The following FMNL2 variants were observed in gnomAD, a reference collection of about 807,000 sequenced individuals.
FMNL2 encodes formin-like protein 2.
In FMNL2, 51 loss-of-function variants were observed where a neutral mutation model predicts 130.2. The observed-to-expected ratio is 0.39, with a 90% confidence interval of 0.31 to 0.49. The LOEUF (loss-of-function observed/expected upper bound fraction) is 0.49. Ranked by LOEUF, FMNL2 falls within the 20% of genes least tolerant of loss-of-function variation. FMNL2 has a pLI of 0.85. For missense variants in FMNL2, 977 were observed against 1,316.2 expected (o/e 0.74, Z 3.99); for synonymous variants, 465 against 467.1 (o/e 1.00, Z 0.06).
chr2:152,440,664 T>A (rs539194947), intron 1 of FMNL2, among the ~76,000 whole-genome samples: 2 of 152,068 alleles, frequency 1.3e-5, no homozygotes, highest in South Asian at 4.1e-4. Flanking sequence ...CAAAGAAGAG[T>A]AAGTTGTTAC....
At chr2:152,444,479 C>A (rs1164391075) in intron 1 of FMNL2, among the ~76,000 whole-genome samples, 1 of 152,176 alleles carries the variant, frequency 6.6e-6, no homozygotes, top group Admixed American at 6.5e-5. Flanking sequence ...AGATTTATTC[C>A]TTTGGACTAC....
intron 1 of FMNL2, among the ~76,000 whole-genome samples, chr2:152,435,036 C>A (rs1687675358): frequency 6.6e-6 from 1 of 152,014 alleles, no homozygotes; most frequent in African/African-American, 2.4e-5. Context: ...TGGTCAAAGT[C>A]TCAAGCAGAG....
rs542430241 is a variant in FMNL2, at chr2:152,625,703, A to AT, written c.1962+143dup. On this transcript the variant is annotated intron_variant, in intron 16 of 25. Coordinates refer to ENST00000288670, the MANE Select transcript of FMNL2 (RefSeq NM_052905.4). ...TGTAAAGAAGAAACATGTATGTAAT[A>AT]TTGGAGAATAACATTTGACACTGTT... 163 of 983,694 alleles carry AT rather than the reference A, an allele frequency of 1.7e-4. No homozygotes were observed. In the South Asian group the frequency reaches 3.5e-3, roughly 21 times the overall value. 60.9% of individuals were successfully genotyped at this position (983,694 alleles called of 1,614,324 possible). A position where few individuals can be genotyped will look rare whatever the true frequency, so the allele number is the denominator to read the frequency against.
intron 1 of FMNL2, among the ~76,000 whole-genome samples, chr2:152,474,840 G>A (rs1013729645): frequency 6.6e-6 from 1 of 152,224 alleles, no homozygotes; most frequent in Non-Finnish European, 1.5e-5. Flanking sequence ...TTTATCTGAT[G>A]TCTGGGAAGC....
intron 15 of FMNL2, among the ~76,000 whole-genome samples, chr2:152,621,591 A>C (rs996950943): frequency 6.6e-6 from 1 of 152,182 alleles, no homozygotes; most frequent in Non-Finnish European, 1.5e-5. Context: ...CTTTATTTCC[A>C]TAAGTGTCCA....
chr2:152,444,692 C>T (rs2106144345), intron 1 of FMNL2, among the ~76,000 whole-genome samples: 1 of 152,256 alleles, frequency 6.6e-6, no homozygotes, highest in South Asian at 2.1e-4. Context: ...AGACAAAAGG[C>T]CCTGTATGAT....
intron 12 of FMNL2, among the ~76,000 whole-genome samples, chr2:152,616,673 C>T (rs1201718461): frequency 6.6e-6 from 1 of 152,170 alleles, no homozygotes; most frequent in Non-Finnish European, 1.5e-5. Context: ...TGTTTTTCAA[C>T]TGGCTACCTA....
intron 9 of FMNL2, among the ~76,000 whole-genome samples, chr2:152,606,695 G>A (rs1162283898): frequency 2.9e-5 from 4 of 137,896 alleles, no homozygotes; most frequent in Admixed American, 2.3e-4. Flanking sequence ...ATACCTTTGG[G>A]CCCTGGAGTT....
In FMNL2 at chr2:152,622,679, G is replaced by A. The variant is rs560949422; in HGVS notation, c.1838-2759G>A. The A allele has an allele frequency of 3.1e-4, 142 of 451,628 alleles. 1 individual carries two copies. Among genetic ancestry groups the A allele is most frequent in the Non-Finnish European group, 4.6e-4 (102 of 223,388 alleles). The allele number at this position is 451,628 out of a possible 1,614,324, so 28.0% of individuals were successfully genotyped here. On this transcript the variant is annotated intron_variant, in intron 15 of 25. Coordinates refer to ENST00000288670, the MANE Select transcript of FMNL2 (RefSeq NM_052905.4). ...CATTGCATTTTGACTTTGTGTCTGC[G>A]GGAAGTCTTGGTGGTGGCTGATGAT...
intron 5 of FMNL2, among the ~76,000 whole-genome samples, chr2:152,559,293 C>T (rs1695398100): frequency 6.6e-6 from 1 of 152,134 alleles, no homozygotes; most frequent in Non-Finnish European, 1.5e-5. Context: ...GGAGGCTGTT[C>T]CTTTTTCCTT....
At chr2:152,560,160 TC>T (rs1239417246) in intron 5 of FMNL2, among the ~76,000 whole-genome samples, 61 of 150,494 alleles carry the variant, frequency 4.1e-4, no homozygotes, top group African/African-American at 1.5e-3. Context: ...TAATACAATT[TC>T]TTTTTTTTTT....
chr2:152,437,152 A>T (rs1687811519), intron 1 of FMNL2, among the ~76,000 whole-genome samples: 1 of 152,184 alleles, frequency 6.6e-6, no homozygotes, highest in Non-Finnish European at 1.5e-5. Flanking sequence ...CATATGAATT[A>T]ATTATTTCCC....
intron 6 of FMNL2, among the ~76,000 whole-genome samples, chr2:152,568,616 A>G (rs529889817): frequency 1.8e-4 from 27 of 152,312 alleles, no homozygotes; most frequent in Non-Finnish European, 3.7e-4. Flanking sequence ...ACATCTCAGC[A>G]TGGCTCTGGA....
chr2:152,373,878 T>C (rs1445001150), intron 1 of FMNL2, among the ~76,000 whole-genome samples: 2 of 152,202 alleles, frequency 1.3e-5, no homozygotes, highest in Non-Finnish European at 2.9e-5. Context: ...TACTATTTTT[T>C]TTTTGCACTA....
intron 9 of FMNL2, 75 bp downstream of exon 9, chr2:152,581,124 C>T: frequency 7.5e-7 from 1 of 1,339,002 alleles, no homozygotes; most frequent in Non-Finnish European, 1.1e-6. Flanking sequence ...AATTATTTAC[C>T]TTTTCATTTA....
intron 10 of FMNL2, chr2:152,607,782 CCCCTGCCAGTG>C: frequency 6.2e-6 from 1 of 162,492 alleles, no homozygotes. Context: ...TTTTTGCAGG[CCCCTGCCAGTG>C]CCCTTCTCCA....
chr2:152,478,964 G>T (rs1336941157), intron 1 of FMNL2, among the ~76,000 whole-genome samples: 2 of 152,046 alleles, frequency 1.3e-5, no homozygotes, highest in Non-Finnish European at 2.9e-5. Context: ...TTCTCAAGAA[G>T]AATAACAAAT....
At chr2:152,633,236 C>G (rs140228289) in intron 21 of FMNL2, among the ~76,000 whole-genome samples, 10 of 152,108 alleles carry the variant, frequency 6.6e-5, no homozygotes, top group African/African-American at 2.4e-4. Flanking sequence ...GCTGGGACCA[C>G]AGGCACACAC....
chr2:152,569,219 T>C (rs1403725456), intron 6 of FMNL2, among the ~76,000 whole-genome samples: 1 of 151,580 alleles, frequency 6.6e-6, no homozygotes, highest in Non-Finnish European at 1.5e-5. Context: ...CCTATGAACA[T>C]GTATCTGGCA....
Sources: gnomAD v4.1 joint callset for allele counts (sites outside exome capture counted in the v4.1 genomes callset) on GRCh38, gnomAD v4.1.1 for gene constraint, MANE v1.5 for transcripts, NCBI Gene and HGNC (gene_info 2026-07-23, HGNC 2026-07-21) for gene names.